The following DOCK3 variants were observed in gnomAD, a reference collection of about 807,000 sequenced individuals.
DOCK3 encodes the protein dedicator of cytokinesis 3, also known as dedicator of cytokinesis protein 3.
DOCK3 carries 60 observed loss-of-function variants against 265.6 expected under a neutral mutation model. The ratio of observed to expected loss-of-function variants is 0.23; its 90% CI spans 0.18 to 0.28. DOCK3 has a LOEUF of 0.28. Ranked by LOEUF, DOCK3 falls within the 10% of genes least tolerant of loss-of-function variation. The pLI, the probability that DOCK3 is intolerant of heterozygous loss-of-function variation, is 1.00. For synonymous variants in DOCK3, 881 were observed against 938.0 expected (o/e 0.94, Z 1.11); for missense variants, 1,981 against 2,594.3 (o/e 0.76, Z 5.14).
intron 12 of DOCK3, among the ~76,000 whole-genome samples, chr3:51,180,951 T>G (rs1311599526): frequency 1.3e-5 from 2 of 152,046 alleles, no homozygotes; most frequent in African/African-American, 4.8e-5. Flanking sequence ...AGTTACTACT[T>G]CTCCCAGTAA....
chr3:51,089,631 G>T (rs1395293761), intron 8 of DOCK3, among the ~76,000 whole-genome samples: 2 of 152,126 alleles, frequency 1.3e-5, no homozygotes, highest in African/African-American at 4.8e-5. Context: ...TTTCCGGGCT[G>T]GGCGTGGTGG....
chr3:50,846,154 A>T (rs1243727979), intron 3 of DOCK3, among the ~76,000 whole-genome samples: 2 of 152,212 alleles, frequency 1.3e-5, no homozygotes, highest in Non-Finnish European at 2.9e-5. Flanking sequence ...ACTTTGGAGG[A>T]CAGAGAAAGA....
intron 1 of DOCK3, among the ~76,000 whole-genome samples, chr3:50,774,784 T>G (rs886132384): frequency 6.6e-6 from 1 of 152,012 alleles, no homozygotes; most frequent in Non-Finnish European, 1.5e-5. Context: ...TAAAATGTTT[T>G]GTATATCACC....
chr3:51,353,349 T>A (rs1347889292), intron 40 of DOCK3, among the ~76,000 whole-genome samples: 2 of 151,966 alleles, frequency 1.3e-5, no homozygotes, highest in Non-Finnish European at 2.9e-5. Flanking sequence ...CAGTGGCTCA[T>A]GCCTGTAATC....
intron 4 of DOCK3, among the ~76,000 whole-genome samples, chr3:50,896,150 G>T (rs902784303): frequency 1.8e-4 from 28 of 152,222 alleles, no homozygotes; most frequent in African/African-American, 6.7e-4. Context: ...GTGTAAAAGT[G>T]TTCCTATTTC....
intron 1 of DOCK3, among the ~76,000 whole-genome samples, chr3:50,689,832 G>T (rs1198034664): frequency 6.6e-6 from 1 of 152,166 alleles, no homozygotes. Context: ...CTGCTGTGTG[G>T]CCTGGTTCCT....
At chr3:50,786,468 T>C (rs1029863970) in intron 2 of DOCK3, among the ~76,000 whole-genome samples, 3 of 151,980 alleles carry the variant, frequency 2.0e-5, no homozygotes, top group East Asian at 3.9e-4. Context: ...CCAAGGAGAG[T>C]CTGAGAACTA....
chr3:51,118,037 C>A (rs945803035), intron 9 of DOCK3, among the ~76,000 whole-genome samples: 3 of 152,004 alleles, frequency 2.0e-5, no homozygotes, highest in Admixed American at 6.6e-5. Context: ...CTAGTTGTTT[C>A]AATTGTGATG....
At chr3:51,010,103 G>A (rs1269024752) in intron 5 of DOCK3, among the ~76,000 whole-genome samples, 2 of 152,190 alleles carry the variant, frequency 1.3e-5, no homozygotes, top group Non-Finnish European at 2.9e-5. Context: ...TGTTGATTTG[G>A]TGTGGAGAGT....
intron 32 of DOCK3, among the ~76,000 whole-genome samples, chr3:51,320,196 C>T (rs953231029): frequency 6.6e-6 from 1 of 152,144 alleles, no homozygotes; most frequent in Non-Finnish European, 1.5e-5. Context: ...GGGGCATCAC[C>T]TCTCCCGGGA....
intron 40 of DOCK3, among the ~76,000 whole-genome samples, chr3:51,352,285 C>T (rs1390302525): frequency 6.6e-6 from 1 of 152,172 alleles, no homozygotes; most frequent in African/African-American, 2.4e-5. Flanking sequence ...AATGAAATTT[C>T]ACTATAAAAC....
At chr3:50,875,134 G>A (rs1435631739) in intron 3 of DOCK3, among the ~76,000 whole-genome samples, 1 of 152,082 alleles carries the variant, frequency 6.6e-6, no homozygotes, top group Non-Finnish European at 1.5e-5. Context: ...GTTGATAGGT[G>A]CAGCAAACCA....
intron 5 of DOCK3, among the ~76,000 whole-genome samples, chr3:51,061,550 C>T (rs527672212): frequency 2.1e-4 from 32 of 150,194 alleles, no homozygotes; most frequent in East Asian, 7.9e-4. Flanking sequence ...CATCACACAC[C>T]GGGGCCTGAT....
chr3:50,910,835 T>C (rs2049814507), intron 4 of DOCK3, among the ~76,000 whole-genome samples: 1 of 152,124 alleles, frequency 6.6e-6, no homozygotes, highest in Non-Finnish European at 1.5e-5. Flanking sequence ...GCTTCTTTCC[T>C]TGATATCATG....
rs189450467 is a variant in DOCK3 at position 50,732,906 on chromosome 3, G to A, written c.38-45769G>A. ...AGATTGAAATAAATTTAAAGATAAT[G>A]TGTTCATGGGTTAGAAGACTCAATA... On this transcript the variant is annotated intron_variant, in intron 1 of 52. Coordinates refer to ENST00000266037, the MANE Select transcript of DOCK3 (RefSeq NM_004947.5). Among the ~76,000 whole-genome samples, 46 of 152,218 alleles carry A rather than the reference G, an allele frequency of 3.0e-4. 1 individual carries two copies. Among genetic ancestry groups the A allele is most frequent in the Admixed American group, 1.3e-3 (20 of 15,284 alleles).
intron 9 of DOCK3, among the ~76,000 whole-genome samples, chr3:51,121,818 G>A (rs2106753084): frequency 6.6e-6 from 1 of 152,180 alleles, no homozygotes; most frequent in Admixed American, 6.5e-5. Context: ...AGCTGAGTGA[G>A]GTTGAACAGT....
At chr3:51,036,462 G>T (rs1237054074) in intron 5 of DOCK3, among the ~76,000 whole-genome samples, 1 of 152,110 alleles carries the variant, frequency 6.6e-6, no homozygotes, top group Non-Finnish European at 1.5e-5. Flanking sequence ...TTAAATGGGT[G>T]AACATTCTAC....
chr3:50,829,512 G>A (rs2044999325), intron 2 of DOCK3, among the ~76,000 whole-genome samples: 2 of 151,990 alleles, frequency 1.3e-5, no homozygotes, highest in South Asian at 4.2e-4. Context: ...TGCTTTGGTA[G>A]CCCTCAATGT....
intron 2 of DOCK3, among the ~76,000 whole-genome samples, chr3:50,796,879 A>G (rs2042818294): frequency 6.6e-6 from 1 of 151,144 alleles, no homozygotes; most frequent in African/African-American, 2.4e-5. Flanking sequence ...CTCACTCACA[A>G]CTTCTGGGCT....
Sources: allele counts gnomAD v4.1 joint callset (sites outside exome capture counted in the v4.1 genomes callset), GRCh38; gene constraint gnomAD v4.1.1; transcripts MANE v1.5; gene names NCBI Gene and HGNC (gene_info 2026-07-23, HGNC 2026-07-21).